The following DNTTIP1 variants were observed in gnomAD, a reference collection of about 807,000 sequenced individuals.
DNTTIP1 encodes the protein deoxynucleotidyltransferase terminal-interacting protein 1.
Under a neutral mutation model 52.9 loss-of-function variants are expected in DNTTIP1, and 22 were observed. The ratio of observed to expected loss-of-function variants is 0.42; its 90% CI spans 0.30 to 0.59. The LOEUF (loss-of-function observed/expected upper bound fraction) is 0.59. Ranked by LOEUF, DNTTIP1 falls within the 20% of genes least tolerant of loss-of-function variation. The pLI is 0.22. For missense variants in DNTTIP1, 286 were observed against 435.5 expected (o/e 0.66, Z 3.06); for synonymous variants, 136 against 155.1 (o/e 0.88, Z 0.92).
chr20:45,811,061 T>C lies in DNTTIP1; in HGVS notation c.856T>C (p.Cys286Arg). The C allele has an allele frequency of 1.2e-6, 2 of 1,613,762 alleles. No individual in the cohort carries two copies. Among genetic ancestry groups the C allele is most frequent in the South Asian group, 2.2e-5 (2 of 91,012 alleles). ...DLAASDDYRG[C>R]LDLKLEELKS... ...TCTCTTCAATGTCTGTTCCAGAGGA[T>C]GCCTGGATCTGAAGCTAGAGGAATT... The change falls in exon 13 of 13, where the codon TGC (cysteine) becomes CGC (arginine). Residue 286 changes from cysteine to arginine, a missense_variant. Physicochemically the swap from Cys to Arg is radical, Grantham distance 180 (BLOSUM62 -3). Transcript: ENST00000372622.
intron 2 of DNTTIP1, 23 bp from the exon 3 acceptor site, chr20:45,793,897 AC>A: frequency 6.6e-7 from 1 of 1,511,298 alleles, no homozygotes; most frequent in Non-Finnish European, 9.0e-7. Flanking sequence ...ATGCCCCCTC[AC>A]CCTGTCTCCC....
At chr20:45,806,219 G>A (rs1201296424) in intron 10 of DNTTIP1, among the ~76,000 whole-genome samples, 2 of 151,968 alleles carry the variant, frequency 1.3e-5, no homozygotes, top group Non-Finnish European at 2.9e-5. Context: ...AGCTGGGCAT[G>A]ATGGCGCATG....
chr20:45,793,773 G>T, intron 2 of DNTTIP1, 148 bp from the exon 3 acceptor site: 1 of 475,936 alleles, frequency 2.1e-6, no homozygotes, highest in Non-Finnish European at 3.8e-6. Flanking sequence ...ATGCCTCTGT[G>T]ATTTGCACAA....
chr20:45,796,426 T>C, intron 4 of DNTTIP1: 1 of 466,942 alleles, frequency 2.1e-6, no homozygotes, highest in South Asian at 1.6e-5. Context: ...ACATAATAAT[T>C]AGAATAGCTA....
chr20:45,794,775 C>T (rs1981176341), intron 3 of DNTTIP1, among the ~76,000 whole-genome samples: 1 of 146,150 alleles, frequency 6.8e-6, no homozygotes, highest in Admixed American at 6.9e-5. Flanking sequence ...ACAGTGGGAC[C>T]TCATCTCTAC....
rs758062381 is a variant in DNTTIP1 at position 45,792,020 on chromosome 20, G to A, written c.16G>A (p.Asp6Asn). The change falls in exon 1 of 13, where the codon GAC becomes AAC. Residue 6 changes from aspartate (D) to asparagine (N), a missense_variant. By Grantham distance (23) the Asp-to-Asn change is conservative (BLOSUM62 1). This residue lies in a region of DNTTIP1 where 208 missense variants were observed against 266.5 expected (regional missense o/e 0.78). Coordinates refer to ENST00000372622, the MANE Select transcript of DNTTIP1 (RefSeq NM_052951.3). ...CGGGGGCGCCATGGGAGCCACTGGC[G>A]ACGCCGAGCAGCCGCGGGGACCTAG... MGATG[D>N]AEQPRGPSGA... The A allele has an allele frequency of 4.7e-6, 6 of 1,268,400 alleles. No homozygotes were observed. Among genetic ancestry groups the A allele is most frequent in the Non-Finnish European group, 6.0e-6 (6 of 1,006,046 alleles). The allele number at this position is 1,268,400 out of a possible 1,614,324, so 78.6% of individuals were successfully genotyped here.
Position 45,809,274 on chromosome 20 carries a change from C to A in DNTTIP1, c.795+89C>A. ...TGTGGGTGACAGCCTACCTCCAAAT[C>A]TGACTTCCAAAGCCTCACCAATGTG... On this transcript the variant is annotated intron_variant, in intron 11 of 12. Transcript: ENST00000372622. The surrounding 1 kb of genome is among the most constrained non-coding windows in gnomAD (Gnocchi z 4.2). The A allele has an allele frequency of 1.7e-6, 2 of 1,160,648 alleles. No individual in the cohort carries two copies. The highest frequency in any genetic ancestry group is 2.6e-6 in the Non-Finnish European group (2 of 775,626). 71.9% of individuals were successfully genotyped at this position (1,160,648 alleles called of 1,614,324 possible).
Position 45,809,247 on chromosome 20 carries a change from G to T in DNTTIP1, c.795+62G>T. 6.6e-7 allele frequency: 1 copy of T among 1,505,484 alleles called. No homozygotes were observed. Among genetic ancestry groups the T allele is most frequent in the Non-Finnish European group, 9.2e-7 (1 of 1,083,622 alleles). The allele number at this position is 1,505,484 out of a possible 1,614,324, so 93.3% of individuals were successfully genotyped here. ...ACCCCACCTGGGAACCAGGATTTTG[G>T]CTGTGGGTGACAGCCTACCTCCAAA... On this transcript the variant is annotated intron_variant, in intron 11 of 12. Coordinates refer to ENST00000372622, the MANE Select transcript of DNTTIP1 (RefSeq NM_052951.3). This position sits in a 1 kb window ranked among gnomAD's most constrained non-coding sequence, Gnocchi z 4.2.
chr20:45,797,744 C>T (rs1601026429), intron 4 of DNTTIP1, among the ~76,000 whole-genome samples: 1 of 152,336 alleles, frequency 6.6e-6, no homozygotes, highest in East Asian at 1.9e-4. Context: ...CTCATCATCA[C>T]TGGCCATCAG....
chr20:45,809,227 AC>A lies in DNTTIP1; in HGVS notation c.795+44del. On this transcript the variant is annotated intron_variant, in intron 11 of 12. Transcript: ENST00000372622. This position sits in a 1 kb window ranked among gnomAD's most constrained non-coding sequence, Gnocchi z 4.2. ...TGTGCCACTGCCAGTGACCCACCCC[AC>A]CTGGGAACCAGGATTTTGGCTGTGG... 3.2e-6 allele frequency: 5 copies of A among 1,585,542 alleles called. No individual in the cohort carries two copies. The highest frequency in any genetic ancestry group is 3.5e-6 in the Non-Finnish European group (4 of 1,155,236).
intron 4 of DNTTIP1, among the ~76,000 whole-genome samples, chr20:45,799,373 T>C (rs1981347811): frequency 6.6e-6 from 1 of 152,222 alleles, no homozygotes; most frequent in Non-Finnish European, 1.5e-5. Flanking sequence ...CCCTCAGCAC[T>C]GTCAAATGCC....
rs116480888 is a variant in DNTTIP1, at chr20:45,801,323, G to A, written c.442-79G>A. ...AGCGGGGCTGGAGAGCTGTAGTCCA[G>A]GGCTGTCTTCTGCAACTCCAGAAGA... On this transcript the variant is annotated intron_variant, in intron 5 of 12. Transcript: ENST00000372622. The A allele has an allele frequency of 3.3e-6, 5 of 1,534,618 alleles. No individual in the cohort carries two copies. The African/African-American group carries it at 6.8e-5, about 21-fold the overall frequency.
chr20:45,810,647 G>A (rs1237464864), intron 11 of DNTTIP1, among the ~76,000 whole-genome samples: 1 of 148,238 alleles, frequency 6.7e-6, no homozygotes, highest in Non-Finnish European at 1.5e-5. Context: ...AAAAGAGAAG[G>A]CTATAAATAA....
intron 11 of DNTTIP1, among the ~76,000 whole-genome samples, chr20:45,810,320 C>CCCCA (rs1981781898): frequency 6.6e-6 from 1 of 152,200 alleles, no homozygotes; most frequent in Non-Finnish European, 1.5e-5. Flanking sequence ...TTTCTACAGG[C>CCCCA]CCCAGTACAA....
chr20:45,811,247 C>T lies in DNTTIP1; in HGVS notation c.*52C>T, dbSNP rs1246460047. 6.4e-7 allele frequency: 1 copy of T among 1,555,960 alleles called. No individual in the cohort carries two copies. The highest frequency in any genetic ancestry group is 1.4e-5 in the African/African-American group (1 of 73,256). ...AGCCCTCCTCCAAAGCCCTCTTCCTCACGTGGCTGAGGCCACCGCTGGGAC... is the reference window on the plus strand; with the variant it reads ...AGCCCTCCTCCAAAGCCCTCTTCCTTACGTGGCTGAGGCCACCGCTGGGAC... On this transcript the variant is annotated 3_prime_UTR_variant, in exon 13 of 13. Transcript: ENST00000372622.
At chr20:45,804,240 C>T (rs6514062) in intron 8 of DNTTIP1, among the ~76,000 whole-genome samples, 8,748 of 152,174 alleles carry the variant, frequency 0.057, 627 homozygotes, top group African/African-American at 0.16. Flanking sequence ...TCTTTACATT[C>T]GTTATCTTAA....
At chr20:45,792,817 G>A in intron 2 of DNTTIP1, 70 bp downstream of exon 2, 1 of 1,428,232 alleles carries the variant, frequency 7.0e-7, no homozygotes, top group Non-Finnish European at 9.6e-7. Flanking sequence ...GATCCCCAGT[G>A]CACAAGGCTA....
chr20:45,804,373 T>A (rs1205275234), intron 8 of DNTTIP1, among the ~76,000 whole-genome samples: 1 of 152,186 alleles, frequency 6.6e-6, no homozygotes, highest in Non-Finnish European at 1.5e-5. Flanking sequence ...CTGCCCTAGC[T>A]CAGGCCCTTA....
chr20:45,809,550 T>TA lies in DNTTIP1; in HGVS notation c.795+366dup, dbSNP rs141422565. On this transcript the variant is annotated intron_variant, in intron 11 of 12. Transcript: ENST00000372622. The surrounding 1 kb of genome is among the most constrained non-coding windows in gnomAD (Gnocchi z 4.2). ...TGATCACTCTTCCACCAGACACAGC[T>TA]ATAGAATCTTTTCTCAACACAGTAC... Among the ~76,000 whole-genome samples, 122 of 152,350 alleles carry TA rather than the reference T, an allele frequency of 8.0e-4. No individual in the cohort carries two copies. Among genetic ancestry groups the TA allele is most frequent in the African/African-American group, 2.9e-3 (121 of 41,574 alleles).
Sources: gnomAD v4.1 joint callset for allele counts (sites outside exome capture counted in the v4.1 genomes callset) on GRCh38, gnomAD v4.1.1 for gene constraint, gnomAD v4.1.1 regional missense constraint, Gnocchi (gnomAD v3.1) non-coding constraint, MANE v1.5 for transcripts, NCBI Gene and HGNC (gene_info 2026-07-23, HGNC 2026-07-21) for gene names.